Variants in TXNDC12 observed in about 807,000 individuals in gnomAD.
TXNDC12 encodes the protein thioredoxin domain containing 12.
Under a neutral mutation model 24.2 loss-of-function variants are expected in TXNDC12, and 22 were observed. That is an observed-to-expected ratio of 0.91 (90% CI 0.65 to 1.30). TXNDC12 has a LOEUF of 1.30. TXNDC12 is among the 50% of genes most tolerant of loss of function. TXNDC12 has a pLI of 0.00. For missense variants in TXNDC12, 184 were observed against 205.8 expected, an observed-to-expected ratio of 0.89 and a Z score of 0.65; for synonymous variants, 58 against 73.4, an observed-to-expected ratio of 0.79 and a Z score of 1.07.
intron 1 of TXNDC12, among the ~76,000 whole-genome samples, chr1:52,046,866 A>AAAAATATATAT (rs1229275355): frequency 1.3e-4 from 4 of 30,170 alleles, no homozygotes; most frequent in African/African-American, 1.6e-4. Context: ...AAAAAAAAAA[A>AAAAATATATAT]ATATATATAT....
intron 2 of TXNDC12, among the ~76,000 whole-genome samples, chr1:52,039,333 A>T (rs1685943920): frequency 6.9e-6 from 1 of 145,930 alleles, no homozygotes; most frequent in South Asian, 2.1e-4. Context: ...TAAGAGATTA[A>T]TTTTTTTTTT....
intron 2 of TXNDC12, 35 bp downstream of exon 2, chr1:52,041,502 T>A: frequency 6.6e-7 from 1 of 1,517,520 alleles, no homozygotes; most frequent in Non-Finnish European, 9.1e-7. Context: ...AAAAGTGTTT[T>A]ACCACCATAA....
At chr1:52,027,031 A>G (rs1393304724) in intron 4 of TXNDC12, among the ~76,000 whole-genome samples, 2 of 151,778 alleles carry the variant, frequency 1.3e-5, no homozygotes, top group African/African-American at 4.8e-5. Context: ...GCCAGACTCC[A>G]TATAAAAAAA....
chr1:52,055,857 C>G (rs1686334011), upstream of TXNDC12: 1 of 152,226 alleles, frequency 6.6e-6, no homozygotes, highest in Admixed American at 6.5e-5. Context: ...ATATAAGTCA[C>G]TGCAGGCTAA....
At position 52,044,619 on chromosome 1, in the gene TXNDC12, T is replaced by C. The variant is rs567278071; in HGVS notation, c.98-3022A>G. Among the ~76,000 whole-genome samples, 101 of 152,298 alleles carry C rather than the reference T, an allele frequency of 6.6e-4. 1 individual carries two copies. Among genetic ancestry groups the C allele is most frequent in the Non-Finnish European group, 9.7e-4 (66 of 68,022 alleles). ...CACAAAATACAGAAATAGCTATGCA[T>C]GAAATGTTTAAAGAAATAACACATG... On this transcript the variant is annotated intron_variant, in intron 1 of 6. Coordinates refer to ENST00000371626, the MANE Select transcript of TXNDC12 (RefSeq NM_015913.4).
intron 1 of TXNDC12, among the ~76,000 whole-genome samples, chr1:52,043,394 GATCAT>G (rs1479696129): frequency 2.0e-5 from 3 of 152,120 alleles, no homozygotes; most frequent in African/African-American, 7.2e-5. Context: ...ATCTTATTTA[GATCAT>G]ATCACAAAAA....
At chr1:52,032,270 T>C in intron 2 of TXNDC12, 1 of 991,298 alleles carries the variant, frequency 1.0e-6, no homozygotes, top group Non-Finnish European at 1.2e-6. Context: ...AATACTTTTG[T>C]GGTATGAAAA....
intron 2 of TXNDC12, among the ~76,000 whole-genome samples, chr1:52,037,207 C>G (rs966763233): frequency 2.4e-5 from 3 of 123,554 alleles, no homozygotes; most frequent in African/African-American, 9.7e-5. Flanking sequence ...AATAGACCAC[C>G]TTTTTTTTTT....
intron 1 of TXNDC12, among the ~76,000 whole-genome samples, chr1:52,048,456 A>G (rs1449889728): frequency 6.8e-6 from 1 of 147,686 alleles, no homozygotes; most frequent in Non-Finnish European, 1.5e-5. Flanking sequence ...ACAGAGGGTG[A>G]CCCTGTTTCT....
At chr1:52,021,287 TA>T (rs1685593068) in intron 6 of TXNDC12, among the ~76,000 whole-genome samples, 2 of 152,300 alleles carry the variant, frequency 1.3e-5, no homozygotes, top group East Asian at 3.9e-4. Context: ...TACGAAGTCA[TA>T]CCAAAATCTT....
intron 1 of TXNDC12, among the ~76,000 whole-genome samples, chr1:52,042,232 TG>T (rs1176221168): frequency 6.6e-6 from 1 of 152,158 alleles, no homozygotes; most frequent in African/African-American, 2.4e-5. Context: ...CTCTTGAACA[TG>T]TTTTGTAGAA....
At position 52,055,075 on chromosome 1, in the gene TXNDC12, C is replaced by T. The variant is rs190576327; in HGVS notation, c.22G>A (p.Gly8Arg). 115 of 1,614,034 alleles carry T rather than the reference C, an allele frequency of 7.1e-5. No homozygotes were observed. Among genetic ancestry groups the T allele is most frequent in the Non-Finnish European group, 9.4e-5 (111 of 1,179,932 alleles). Residue 8 changes from glycine (G) to arginine (R), a missense_variant, in exon 1 of 7, where the codon GGG becomes AGG. Transcript: ENST00000371626. The stretch of plus-strand genomic sequence containing the variant: ...CTGAAGCCCAGCAAACAGGTGGCCC[C>T]GAGACGAGGCCGCGTCTCCATGGCA... The part of the protein sequence containing the change: METRPRL[G>R]ATCLLGFSFL...
At chr1:52,033,309 G>A (rs1685810379) in intron 2 of TXNDC12, 1 of 1,613,772 alleles carries the variant, frequency 6.2e-7, no homozygotes, top group South Asian at 1.1e-5. Flanking sequence ...GTTCCCTGAG[G>A]ACGCTGCTGC....
chr1:52,051,366 C>A (rs749036125), intron 1 of TXNDC12, among the ~76,000 whole-genome samples: 41 of 152,012 alleles, frequency 2.7e-4, no homozygotes, highest in Non-Finnish European at 4.9e-4. Flanking sequence ...ACAATCCAGG[C>A]CTCCTAATTT....
chr1:52,055,148 C>A lies in TXNDC12; in HGVS notation c.-52G>T, dbSNP rs1280820442. ...CTGAGCGGACGCAGGGCCGGAGTCC[C>A]AGCAGACGGTCCACACAGTTCGCCG... On this transcript the variant is annotated 5_prime_UTR_variant, in exon 1 of 7. Coordinates refer to ENST00000371626, the MANE Select transcript of TXNDC12 (RefSeq NM_015913.4). 7.7e-7 allele frequency: 1 copy of A among 1,306,650 alleles called. No homozygotes were observed. The highest frequency in any genetic ancestry group is 2.3e-5 in the East Asian group (1 of 43,198). 80.9% of individuals were successfully genotyped at this position (1,306,650 alleles called of 1,614,324 possible).
At chr1:52,033,771 G>C (rs1296948003) in intron 2 of TXNDC12, 4 of 1,570,062 alleles carry the variant, frequency 2.5e-6, no homozygotes, top group East Asian at 2.3e-5. Context: ...TCCTCTCAGG[G>C]AGCGACCATT....
At chr1:52,046,866 A>AAAAAAATATAT (rs1229275355) in intron 1 of TXNDC12, among the ~76,000 whole-genome samples, 1 of 30,172 alleles carries the variant, frequency 3.3e-5, no homozygotes, top group African/African-American at 5.4e-5. Context: ...AAAAAAAAAA[A>AAAAAAATATAT]ATATATATAT....
At position 52,020,836 on chromosome 1, in the gene TXNDC12, G is replaced by A; in HGVS notation, c.*97C>T. 2.0e-6 allele frequency: 2 copies of A among 1,015,972 alleles called. No individual in the cohort carries two copies. Among genetic ancestry groups the A allele is most frequent in the Admixed American group, 2.1e-5 (1 of 48,774 alleles). The allele number at this position is 1,015,972 out of a possible 1,614,324, so 62.9% of individuals were successfully genotyped here. A position where few individuals can be genotyped will look rare whatever the true frequency, so the allele number is the denominator to read the frequency against. On this transcript the variant is annotated 3_prime_UTR_variant, in exon 7 of 7. Coordinates refer to ENST00000371626, the MANE Select transcript of TXNDC12 (RefSeq NM_015913.4). ...AGTGTAGGTAGGAATGAGGTTTCCT[G>A]GTCGGCTTAATTGTTCTAGATGATT...
chr1:52,034,376 A>G (rs1295974444), intron 2 of TXNDC12, among the ~76,000 whole-genome samples: 1 of 152,236 alleles, frequency 6.6e-6, no homozygotes, highest in Non-Finnish European at 1.5e-5. Context: ...AAATCACTGA[A>G]GACTTTATGT....
Sources: allele counts gnomAD v4.1 joint callset (sites outside exome capture counted in the v4.1 genomes callset), GRCh38; gene constraint gnomAD v4.1.1; transcripts MANE v1.5; gene names NCBI Gene and HGNC (gene_info 2026-07-23, HGNC 2026-07-21).